Variants in VPS33B observed in about 807,000 individuals in gnomAD.
VPS33B encodes the protein vacuolar protein sorting-associated protein 33B.
VPS33B carries 80 observed loss-of-function variants against 95.3 expected under a neutral mutation model. The ratio of observed to expected loss-of-function variants is 0.84; its 90% CI spans 0.70 to 1.01. The LOEUF is 1.01. VPS33B is among the 50% of genes least tolerant of loss of function. VPS33B has a pLI of 0.00. For synonymous variants in VPS33B, 280 were observed against 280.4 expected (o/e 1.00, Z 0.01); for missense variants, 715 against 773.4 (o/e 0.92, Z 0.90).
In VPS33B at chr15:91,010,182, T is replaced by C. The variant is rs995205489; in HGVS notation, c.358-336A>G. On this transcript the variant is annotated intron_variant, in intron 5 of 22. Coordinates refer to ENST00000333371, the MANE Select transcript of VPS33B (RefSeq NM_018668.5). This position sits in a 1 kb window ranked among gnomAD's most constrained non-coding sequence, Gnocchi z 5.7. ...ATGGCATGAAGTGCTCTGGAAATTG[T>C]GGAGGAGCAGATGGGAGGAAAAGAT... is the stretch of plus-strand genomic sequence containing the variant. Among the ~76,000 whole-genome samples, 17 of 152,190 alleles carry C rather than the reference T, an allele frequency of 1.1e-4. No homozygotes were observed. Among genetic ancestry groups the C allele is most frequent in the African/African-American group, 4.1e-4 (17 of 41,436 alleles).
chr15:91,016,110 A>T (rs1464508495), intron 3 of VPS33B, among the ~76,000 whole-genome samples: 1 of 152,168 alleles, frequency 6.6e-6, no homozygotes, highest in Non-Finnish European at 1.5e-5. Context: ...TTCATGGAGG[A>T]GGTGGCCGGG....
rs117800975 is a variant in VPS33B, at chr15:91,018,594, G to A, written c.97-709C>T. Among the ~76,000 whole-genome samples, 2 of 152,160 alleles carry A rather than the reference G, an allele frequency of 1.3e-5. No homozygotes were observed. The highest frequency in any genetic ancestry group is 2.4e-5 in the African/African-American group (1 of 41,438). Reference sequence around the variant, plus strand: ...AGCATAGGCTGTGTAGTAAGGGGACGATTTTGCCCTCCGAGGGACATTTGG... The same window carrying A: ...AGCATAGGCTGTGTAGTAAGGGGACAATTTTGCCCTCCGAGGGACATTTGG... On this transcript the variant is annotated intron_variant, in intron 1 of 22. Coordinates refer to ENST00000333371, the MANE Select transcript of VPS33B (RefSeq NM_018668.5). The surrounding 1 kb of genome is among the most constrained non-coding windows in gnomAD (Gnocchi z 4.7).
At chr15:91,014,764 C>T (rs1334204899) in intron 3 of VPS33B, among the ~76,000 whole-genome samples, 1 of 152,118 alleles carries the variant, frequency 6.6e-6, no homozygotes, top group Non-Finnish European at 1.5e-5. Flanking sequence ...TAAGAATACC[C>T]CATAAAAATA....
intron 2 of VPS33B, 41 bp from the exon 3 acceptor site, chr15:91,017,065 C>T (rs377106483): frequency 1.3e-6 from 2 of 1,593,822 alleles, no homozygotes; most frequent in Non-Finnish European, 1.7e-6. Flanking sequence ...ATAAGAGTGC[C>T]TGAAAAGCAC....
Position 91,022,254 on chromosome 15 carries a change from G to T in VPS33B, c.-5C>A. 6.4e-7 allele frequency: 1 copy of T among 1,555,000 alleles called. No individual in the cohort carries two copies. The highest frequency in any genetic ancestry group is 2.4e-5 in the East Asian group (1 of 42,234). ...CGGCCGATGGGGAAAAGCCATGGCAGCGGTCACCTGCGCCGCGGGGTGGAA... is the reference window on the plus strand; with the variant it reads ...CGGCCGATGGGGAAAAGCCATGGCATCGGTCACCTGCGCCGCGGGGTGGAA... On this transcript the variant is annotated 5_prime_UTR_variant, in exon 1 of 23. In the 5' UTR this introduces an upstream ATG that the reference lacks. Coordinates refer to ENST00000333371, the MANE Select transcript of VPS33B (RefSeq NM_018668.5).
In VPS33B at chr15:90,999,971, A is replaced by G. The variant is rs1483298047; in HGVS notation, c.1586T>C (p.Leu529Pro). The stretch of plus-strand genomic sequence containing the variant: ...AAGGCCCTGCCAGCTTCGCCGCTCT[A>G]GCACCTGGGAAGGTGTAAGCACTGT... The part of the protein sequence containing the change: ...PLSCRIIEQV[L>P]ERRSWQGLDE... The change falls in exon 21 of 23, where the codon CTA (leucine) becomes CCA (proline). Residue 529 changes from leucine (L) to proline (P), a missense_variant. Physicochemically the swap from Leu to Pro is moderately conservative, Grantham distance 98. Coordinates refer to ENST00000333371, the MANE Select transcript of VPS33B (RefSeq NM_018668.5). The surrounding 1 kb of genome is among the most constrained non-coding windows in gnomAD (Gnocchi z 5.1). The G allele has an allele frequency of 6.2e-7, 1 of 1,614,202 alleles. No homozygotes were observed. Among genetic ancestry groups the G allele is most frequent in the Non-Finnish European group, 8.5e-7 (1 of 1,180,026 alleles).
intron 6 of VPS33B, among the ~76,000 whole-genome samples, chr15:91,008,802 G>C (rs2040691123): frequency 1.3e-5 from 2 of 152,140 alleles, no homozygotes; most frequent in African/African-American, 4.8e-5. Context: ...ACCACAACTG[G>C]GGGTATAGGA....
Position 91,017,367 on chromosome 15 carries a change from AATATATATATATATATATATATATAT to A in VPS33B, c.178-369_178-344del, listed in dbSNP as rs1159663715. ...ACAAGACTCCATCTCTACAAAATTA[AATATATATATATATATATATATATAT>A]ATATATATATATATATATATATATA... On this transcript the variant is annotated intron_variant, in intron 2 of 22. Coordinates refer to ENST00000333371, the MANE Select transcript of VPS33B (RefSeq NM_018668.5). Among the ~76,000 whole-genome samples, 75 of 15,852 alleles carry A rather than the reference AATATATATATATATATATATATATAT, an allele frequency of 4.7e-3. 10 individuals carry two copies. Among genetic ancestry groups the A allele is most frequent in the Non-Finnish European group, 7.1e-3 (62 of 8,768 alleles). 10.4% of individuals were successfully genotyped at this position (15,852 alleles called of 152,430 possible).
chr15:91,004,686 G>A (rs1228398875), intron 16 of VPS33B, among the ~76,000 whole-genome samples, 191 bp downstream of exon 16: 1 of 152,036 alleles, frequency 6.6e-6, no homozygotes, highest in Non-Finnish European at 1.5e-5. Flanking sequence ...ATGTGGTCCC[G>A]CTGAGGGCTA....
rs2040474014 is a variant in VPS33B, at chr15:91,002,636, A to AG, written c.1272+448_1272+449insC. Reference sequence around the variant, plus strand: ...CAGAGCGAGACATCGTCTCGAAATAAAAAAAAAAAAAAAAAGAAAAGAAAT... The same window carrying AG: ...CAGAGCGAGACATCGTCTCGAAATAAGAAAAAAAAAAAAAAAGAAAAGAAAT... On this transcript the variant is annotated intron_variant, in intron 17 of 22. Coordinates refer to ENST00000333371, the MANE Select transcript of VPS33B (RefSeq NM_018668.5). This position sits in a 1 kb window ranked among gnomAD's most constrained non-coding sequence, Gnocchi z 4.7. 6.9e-6 allele frequency among the ~76,000 whole-genome samples: 1 copy of AG among 145,304 alleles called. No homozygotes were observed. Among genetic ancestry groups the AG allele is most frequent in the South Asian group, 2.1e-4 (1 of 4,658 alleles).
Position 91,002,900 on chromosome 15 carries a change from A to G in VPS33B, c.1272+185T>C, listed in dbSNP as rs2040484855. On this transcript the variant is annotated intron_variant, in intron 17 of 22. Coordinates refer to ENST00000333371, the MANE Select transcript of VPS33B (RefSeq NM_018668.5). The surrounding 1 kb of genome is among the most constrained non-coding windows in gnomAD (Gnocchi z 4.7). Reference sequence around the variant, plus strand: ...ATGCGCCGTCAGTGTGTGGGGTGAAACAAGGGTAGAGGGCAGAGAGGCGTG... The same window carrying G: ...ATGCGCCGTCAGTGTGTGGGGTGAAGCAAGGGTAGAGGGCAGAGAGGCGTG... Among the ~76,000 whole-genome samples, 1 of 152,124 alleles carries G rather than the reference A, an allele frequency of 6.6e-6. No homozygotes were observed. Among genetic ancestry groups the G allele is most frequent in the Non-Finnish European group, 1.5e-5 (1 of 68,030 alleles).
At chr15:91,017,732 A>T (rs1489671496) in intron 2 of VPS33B, 73 bp downstream of exon 2, 6 of 1,390,404 alleles carry the variant, frequency 4.3e-6, no homozygotes, top group Non-Finnish European at 6.1e-6. Flanking sequence ...GTCACTCTTC[A>T]GTAGTTTGTA....
chr15:91,015,634 G>A lies in VPS33B; in HGVS notation c.240-1201C>T, dbSNP rs1485471946. On this transcript the variant is annotated intron_variant, in intron 3 of 22. Coordinates refer to ENST00000333371, the MANE Select transcript of VPS33B (RefSeq NM_018668.5). This position sits in a 1 kb window ranked among gnomAD's most constrained non-coding sequence, Gnocchi z 4.7. ...GATCCCGCCACTGCACTCCAACCTG[G>A]GTGACAGAGTTAGACTCCTACTCAA... is the stretch of plus-strand genomic sequence containing the variant. Among the ~76,000 whole-genome samples, 5 of 151,822 alleles carry A rather than the reference G, an allele frequency of 3.3e-5. No homozygotes were observed. The highest frequency in any genetic ancestry group is 1.2e-4 in the African/African-American group (5 of 41,448).
At position 91,000,592 on chromosome 15, in the gene VPS33B, C is replaced by A; in HGVS notation, c.1480-1G>T. 4 of 1,611,864 alleles carry A rather than the reference C, an allele frequency of 2.5e-6. No homozygotes were observed. The highest frequency in any genetic ancestry group is 3.4e-6 in the Non-Finnish European group (4 of 1,178,674). ...CATACTCGCCGTCCACACGTGGGATCTGTAAGACAAAGGGACTTCATTAGG... is the reference window on the plus strand; with the variant it reads ...CATACTCGCCGTCCACACGTGGGATATGTAAGACAAAGGGACTTCATTAGG... On this transcript the variant is annotated splice_acceptor_variant, in intron 19 of 22. Transcript: ENST00000333371. LOFTEE classifies it high-confidence loss of function. This position sits in a 1 kb window ranked among gnomAD's most constrained non-coding sequence, Gnocchi z 4.9.
rs1019379126 is a variant in VPS33B, at chr15:91,002,649, AAAG to A, written c.1272+433_1272+435del. Among the ~76,000 whole-genome samples, 14 of 146,476 alleles carry A rather than the reference AAAG, an allele frequency of 9.6e-5. No homozygotes were observed. The highest frequency in any genetic ancestry group is 2.8e-4 in the African/African-American group (10 of 36,262). ...CGTCTCGAAATAAAAAAAAAAAAAA[AAAG>A]AAAAGAAATAATTAGCACCAAACAA... On this transcript the variant is annotated intron_variant, in intron 17 of 22. Coordinates refer to ENST00000333371, the MANE Select transcript of VPS33B (RefSeq NM_018668.5). This position sits in a 1 kb window ranked among gnomAD's most constrained non-coding sequence, Gnocchi z 4.7.
chr15:91,002,155 A>G lies in VPS33B; in HGVS notation c.1300T>C (p.Phe434Leu). The change falls in exon 18 of 23, where the codon TTC (phenylalanine) becomes CTC (leucine). Residue 434 changes from phenylalanine (F) to leucine (L), a missense_variant. Physicochemically the swap from Phe to Leu is conservative, Grantham distance 22. Transcript: ENST00000333371. This position sits in a 1 kb window ranked among gnomAD's most constrained non-coding sequence, Gnocchi z 4.7. ...QSYGPEHLLT[F>L]SNLRRAGLLT... ...AGCCCAGCTCTTCGCAGATTGGAGA[A>G]GGTTAGCAGGTGCTCAGGGCCATAG... 6.2e-7 allele frequency: 1 copy of G among 1,614,208 alleles called. No individual in the cohort carries two copies. Among genetic ancestry groups the G allele is most frequent in the Non-Finnish European group, 8.5e-7 (1 of 1,180,034 alleles).
In VPS33B at chr15:90,998,723, A is replaced by G. The variant is rs2040343498; in HGVS notation, c.*252T>C. ...TTACAATGACATTCAAACAGGATTT[A>G]GCAAAGGATGCCTCTTCCTGCTCGC... is the stretch of plus-strand genomic sequence containing the variant. On this transcript the variant is annotated 3_prime_UTR_variant, in exon 23 of 23. Coordinates refer to ENST00000333371, the MANE Select transcript of VPS33B (RefSeq NM_018668.5). This position sits in a 1 kb window ranked among gnomAD's most constrained non-coding sequence, Gnocchi z 4.8. 1.8e-6 allele frequency: 1 copy of G among 569,024 alleles called. No homozygotes were observed. Among genetic ancestry groups the G allele is most frequent in the Non-Finnish European group, 3.2e-6 (1 of 315,818 alleles). The allele number at this position is 569,024 out of a possible 1,614,324, so 35.2% of individuals were successfully genotyped here.
At chr15:91,017,095 G>T in intron 2 of VPS33B, 71 bp from the exon 3 acceptor site, 1 of 1,453,350 alleles carries the variant, frequency 6.9e-7, no homozygotes, top group South Asian at 1.1e-5. Flanking sequence ...CACGAAGATA[G>T]GGGACTTCTT....
intron 5 of VPS33B, among the ~76,000 whole-genome samples, chr15:91,012,061 T>G (rs1213890083): frequency 6.7e-6 from 1 of 148,436 alleles, no homozygotes; most frequent in Non-Finnish European, 1.5e-5. Context: ...GGAAGCATAA[T>G]TTGAAAAGAA....
Sources: allele counts gnomAD v4.1 joint callset (sites outside exome capture counted in the v4.1 genomes callset), GRCh38; gene constraint gnomAD v4.1.1; non-coding constraint Gnocchi (gnomAD v3.1); transcripts MANE v1.5; gene names NCBI Gene and HGNC (gene_info 2026-07-23, HGNC 2026-07-21).